PDZD2: variants seen among roughly 807,000 people sequenced by gnomAD.
The protein encoded by PDZD2 is PDZ domain containing 2.
Under a neutral mutation model 220.7 loss-of-function variants are expected in PDZD2, and 90 were observed. The ratio of observed to expected loss-of-function variants is 0.41; its 90% confidence interval spans 0.34 to 0.49. PDZD2 has a LOEUF of 0.49. PDZD2 is among the 20% of genes least tolerant of loss of function. PDZD2 has a pLI of 0.28. For missense variants in PDZD2, 3,174 were observed against 3,608.5 expected (o/e 0.88, Z 3.08); for synonymous variants, 1,375 against 1,450.5 (o/e 0.95, Z 1.18).
intron 10 of PDZD2, among the ~76,000 whole-genome samples, chr5:32,055,107 T>C (rs1053078694): frequency 1.2e-4 from 19 of 152,232 alleles, no homozygotes; most frequent in Admixed American, 9.8e-4. Flanking sequence ...ATATTTTCTG[T>C]GAAATGTTTA....
chr5:31,767,110 C>A (rs986977607), intron 1 of PDZD2, among the ~76,000 whole-genome samples: 1 of 148,892 alleles, frequency 6.7e-6, no homozygotes, highest in East Asian at 2.0e-4. Flanking sequence ...TGGCTCACTG[C>A]AACCTCTGCC....
At chr5:31,656,142 T>G (rs1745543965) in intron 1 of PDZD2, among the ~76,000 whole-genome samples, 1 of 152,064 alleles carries the variant, frequency 6.6e-6, no homozygotes, top group Non-Finnish European at 1.5e-5. Context: ...AGAGAGGGGG[T>G]TTGAATCTGG....
intron 7 of PDZD2, among the ~76,000 whole-genome samples, chr5:32,047,195 C>G (rs75562659): frequency 0.021 from 3,134 of 152,214 alleles, 112 homozygotes; most frequent in African/African-American, 0.07. Context: ...TGAAAAGAAT[C>G]TTGATCTCGT....
chr5:31,900,587 A>G (rs945607471), intron 2 of PDZD2, among the ~76,000 whole-genome samples: 2 of 152,172 alleles, frequency 1.3e-5, no homozygotes, highest in Non-Finnish European at 2.9e-5. Flanking sequence ...GTTGTTGAGC[A>G]TCTGTCTGCC....
In PDZD2 at chr5:31,963,513, C is replaced by T. The variant is rs191944626; in HGVS notation, c.477-19642C>T. Among the ~76,000 whole-genome samples, 392 of 152,252 alleles carry T rather than the reference C, an allele frequency of 2.6e-3. 2 individuals carry two copies. Among genetic ancestry groups the T allele is most frequent in the African/African-American group, 9.0e-3 (372 of 41,548 alleles). ...TTTATTCGTGGTAGTTGCTTGTGTC[C>T]GTGGGAGCAGCCTAGCCTGCATGTT... On this transcript the variant is annotated intron_variant, in intron 2 of 24. Coordinates refer to ENST00000438447, the MANE Select transcript of PDZD2 (RefSeq NM_178140.4).
At chr5:31,820,147 T>C (rs1346542060) in intron 2 of PDZD2, among the ~76,000 whole-genome samples, 1 of 152,232 alleles carries the variant, frequency 6.6e-6, no homozygotes, top group African/African-American at 2.4e-5. Context: ...GATGCTGGGA[T>C]ACTTGATATG....
chr5:31,807,016 C>A (rs1430555488), intron 2 of PDZD2, among the ~76,000 whole-genome samples: 2 of 150,398 alleles, frequency 1.3e-5, no homozygotes, highest in Admixed American at 6.7e-5. Flanking sequence ...CTCACTGCAA[C>A]CTCCACCTCC....
At chr5:31,778,510 C>T (rs1752852751) in intron 1 of PDZD2, among the ~76,000 whole-genome samples, 1 of 151,820 alleles carries the variant, frequency 6.6e-6, no homozygotes, top group African/African-American at 2.4e-5. Flanking sequence ...ACGGGAGGAA[C>T]GAACAACTCC....
rs925581603 is a variant in PDZD2 at position 31,775,731 on chromosome 5, G to A, written c.-360-23158G>A. Among the ~76,000 whole-genome samples the A allele has an allele frequency of 3.3e-5, 5 of 150,590 alleles. No homozygotes were observed. The Admixed American group carries it at 3.3e-4, about 10-fold the overall frequency. ...TAGTCATCTCCCACTTGGCTCCAGG[G>A]TAACGTGTTGGCCTTCCAACGCTGG... On this transcript the variant is annotated intron_variant, in intron 1 of 24. Coordinates refer to ENST00000438447, the MANE Select transcript of PDZD2 (RefSeq NM_178140.4).
chr5:31,667,159 C>T (rs554852390), intron 1 of PDZD2, among the ~76,000 whole-genome samples: 1 of 144,386 alleles, frequency 6.9e-6, no homozygotes, highest in Admixed American at 7.4e-5. Context: ...TGGCTTGAAC[C>T]CAGGAGACGG....
intron 2 of PDZD2, among the ~76,000 whole-genome samples, chr5:31,816,326 G>A (rs1755456188): frequency 2.7e-5 from 4 of 149,194 alleles, no homozygotes; most frequent in South Asian, 2.1e-4. Context: ...TTTCTTCTAC[G>A]AAAAAGACAA....
intron 2 of PDZD2, among the ~76,000 whole-genome samples, chr5:31,919,730 A>AAG (rs3037134): frequency 1.4e-5 from 2 of 140,144 alleles, no homozygotes; most frequent in Non-Finnish European, 1.5e-5. Flanking sequence ...AAAAAAAAAA[A>AAG]GGCCAGGCAC....
Position 32,000,211 on chromosome 5 carries a change from G to C in PDZD2, c.1194G>C (p.Glu398Asp), listed in dbSNP as rs764987516. ...ATTTACTGGTCGGGCTCTCCCACGA[G>C]GAAGCAGTGGCCATTCTTCGCTCCG... ...NGHLLVGLSH[E>D]EAVAILRSAT... Residue 398 changes from glutamate (E) to aspartate (D), a missense_variant, in exon 5 of 25, where the codon GAG becomes GAC. Around this residue, in one of 4 missense-constraint regions of PDZD2, gnomAD observed 632 missense variants for 708.1 expected, o/e 0.89. Coordinates refer to ENST00000438447, the MANE Select transcript of PDZD2 (RefSeq NM_178140.4). The surrounding 1 kb of genome is among the most constrained non-coding windows in gnomAD (Gnocchi z 4.5). The C allele has an allele frequency of 2.5e-6, 4 of 1,614,104 alleles. No individual in the cohort carries two copies. In the Admixed American group the frequency reaches 6.7e-5, roughly 27 times the overall value.
At chr5:31,960,346 T>G (rs1748103940) in intron 2 of PDZD2, among the ~76,000 whole-genome samples, 1 of 151,882 alleles carries the variant, frequency 6.6e-6, no homozygotes, top group Non-Finnish European at 1.5e-5. Flanking sequence ...GCCTCCTGAG[T>G]AGCTGGGATT....
chr5:31,852,937 A>G (rs1470835485), intron 2 of PDZD2, among the ~76,000 whole-genome samples: 1 of 152,182 alleles, frequency 6.6e-6, no homozygotes, highest in Admixed American at 6.6e-5. Context: ...CACATCATCA[A>G]TTATGTACCT....
At position 31,724,227 on chromosome 5, in the gene PDZD2, T is replaced by C. The variant is rs1367199790; in HGVS notation, c.-360-74662T>C. 3.9e-5 allele frequency among the ~76,000 whole-genome samples: 6 copies of C among 152,294 alleles called. No homozygotes were observed. The East Asian group carries it at 1.2e-3, about 29-fold the overall frequency. ...AACCTGCTCAAATTTTAAGGTGAGCTTTTGTGATGTTTTCTATGTTCCAAA... is the reference window on the plus strand; with the variant it reads ...AACCTGCTCAAATTTTAAGGTGAGCCTTTGTGATGTTTTCTATGTTCCAAA... On this transcript the variant is annotated intron_variant, in intron 1 of 24. Coordinates refer to ENST00000438447, the MANE Select transcript of PDZD2 (RefSeq NM_178140.4).
chr5:32,069,982 G>T (rs941379190), intron 15 of PDZD2, among the ~76,000 whole-genome samples: 1 of 152,110 alleles, frequency 6.6e-6, no homozygotes, highest in Non-Finnish European at 1.5e-5. Flanking sequence ...TCAGTAGTTT[G>T]GTAGATGCAG....
At chr5:31,899,874 G>T (rs1741922292) in intron 2 of PDZD2, among the ~76,000 whole-genome samples, 1 of 152,196 alleles carries the variant, frequency 6.6e-6, no homozygotes, top group African/African-American at 2.4e-5. Flanking sequence ...GAAAGTGACT[G>T]TTGACACTCA....
At chr5:31,685,869 T>C (rs1746835665) in intron 1 of PDZD2, among the ~76,000 whole-genome samples, 1 of 151,564 alleles carries the variant, frequency 6.6e-6, no homozygotes, top group Non-Finnish European at 1.5e-5. Flanking sequence ...TCTGTCAGTG[T>C]TTTTACTATG....
Sources: allele counts gnomAD v4.1 joint callset (sites outside exome capture counted in the v4.1 genomes callset), GRCh38; gene constraint gnomAD v4.1.1; regional missense constraint gnomAD v4.1.1; non-coding constraint Gnocchi (gnomAD v3.1); transcripts MANE v1.5; gene names NCBI Gene and HGNC (gene_info 2026-07-23, HGNC 2026-07-21).